The following EPHA2 variants were observed in gnomAD, a reference collection of about 807,000 sequenced individuals.
EPHA2 encodes ephrin type-A receptor 2.
Under a neutral mutation model 104.9 loss-of-function variants are expected in EPHA2, and 54 were observed. The observed-to-expected ratio is 0.51, with a 90% CI of 0.41 to 0.65. EPHA2 has a LOEUF of 0.65. EPHA2 is among the 30% of genes least tolerant of loss of function. EPHA2 has a pLI of 0.00. For missense variants in EPHA2, 1,117 were observed against 1,369.5 expected (o/e 0.82, Z 2.91); for synonymous variants, 560 against 559.1 (o/e 1.00, Z -0.02).
chr1:16,129,352 G>T, intron 16 of EPHA2, 82 bp downstream of exon 16: 1 of 1,511,088 alleles, frequency 6.6e-7, no homozygotes, highest in Non-Finnish European at 9.1e-7. Flanking sequence ...GAGGGGCAGG[G>T]AAGAGGGCTG....
chr1:16,125,290 G>T lies in EPHA2; in HGVS notation c.2856C>A (p.Pro952=). The T allele has an allele frequency of 6.2e-7, 1 of 1,613,658 alleles. No individual in the cohort carries two copies. Among genetic ancestry groups the T allele is most frequent in the African/African-American group, 1.3e-5 (1 of 74,938 alleles). Residue 952 remains proline, a synonymous_variant, in exon 17 of 17, where the codon CCC becomes CCA. Transcript: ENST00000358432. This position sits in a 1 kb window ranked among gnomAD's most constrained non-coding sequence, Gnocchi z 4.9. ...TGTAGGCGATGCGCTTCTGGTGGCC[G>T]GGCAGCCGCACCCCAATCCTCTTGA... ...DDIKRIGVRL[P]GHQKRIAYSL...
At position 16,155,867 on chromosome 1, in the gene EPHA2, C is replaced by G; in HGVS notation, c.66G>C (p.Ala22=). The G allele has an allele frequency of 6.9e-7, 1 of 1,457,568 alleles. No homozygotes were observed. The highest frequency in any genetic ancestry group is 3.0e-5 in the East Asian group (1 of 33,802). 90.3% of individuals were successfully genotyped at this position (1,457,568 alleles called of 1,614,324 possible). The part of the protein sequence containing the change: ...LLWGCALAAA[A]AAQGKEVVLL... ...ACTCACCTTCCTTGCCCTGCGCCGCCGCGGCCGCGGCCAGCGCACAGCCCC... is the reference window on the plus strand; with the variant it reads ...ACTCACCTTCCTTGCCCTGCGCCGCGGCGGCCGCGGCCAGCGCACAGCCCC... Residue 22 remains alanine, a synonymous_variant, in exon 1 of 17, where the codon GCG becomes GCC. Coordinates refer to ENST00000358432, the MANE Select transcript of EPHA2 (RefSeq NM_004431.5).
Position 16,151,305 on chromosome 1 carries a change from C to CAG in EPHA2, c.86-344_86-343dup, listed in dbSNP as rs536266343. On this transcript the variant is annotated intron_variant, in intron 1 of 16. Coordinates refer to ENST00000358432, the MANE Select transcript of EPHA2 (RefSeq NM_004431.5). The stretch of plus-strand genomic sequence containing the variant: ...GCCCGGCAGGAGAACAGCAGCTGGG[C>CAG]AGAGAGCTGGGCTGAGCAGGGTATT... Among the ~76,000 whole-genome samples, 85 of 152,260 alleles carry CAG rather than the reference C, an allele frequency of 5.6e-4. No individual in the cohort carries two copies. In the East Asian group the frequency reaches 0.015, roughly 28 times the overall value.
intron 3 of EPHA2, among the ~76,000 whole-genome samples, chr1:16,140,552 G>A (rs990178387): frequency 6.6e-6 from 1 of 152,160 alleles, no homozygotes; most frequent in Non-Finnish European, 1.5e-5. Context: ...TCCCAAGAAG[G>A]AAACCAGAAC....
intron 15 of EPHA2, 149 bp from the exon 16 acceptor site, chr1:16,129,738 G>T: frequency 9.3e-7 from 1 of 1,075,838 alleles, no homozygotes; most frequent in Non-Finnish European, 1.3e-6. Flanking sequence ...GTCAAGTAGG[G>T]TTCAATGAGA....
chr1:16,139,172 CG>C (rs2124232183), intron 3 of EPHA2, among the ~76,000 whole-genome samples: 1 of 152,190 alleles, frequency 6.6e-6, no homozygotes, highest in South Asian at 2.1e-4. Flanking sequence ...CACCTGACTC[CG>C]GGGGCTTCTT....
chr1:16,141,107 A>C (rs951799443), intron 3 of EPHA2, among the ~76,000 whole-genome samples: 7 of 152,220 alleles, frequency 4.6e-5, no homozygotes, highest in African/African-American at 1.7e-4. Flanking sequence ...ACAAGCCTGA[A>C]GAGAGAGGAG....
At position 16,148,665 on chromosome 1, in the gene EPHA2, T is replaced by C; in HGVS notation, c.536A>G (p.Tyr179Cys). The change falls in exon 3 of 17, where the codon TAC (tyrosine) becomes TGC (cysteine). Residue 179 changes from tyrosine to cysteine, a missense_variant. Coordinates refer to ENST00000358432, the MANE Select transcript of EPHA2 (RefSeq NM_004431.5). The surrounding 1 kb of genome is among the most constrained non-coding windows in gnomAD (Gnocchi z 4.9). ...SVGPLTRKGF[Y>C]LAFQDIGACV... ...GGCACCGATATCCTGGAAGGCCAGG[T>C]AGAAGCCTTTGCGGGTGAGCGGCCC... is the stretch of plus-strand genomic sequence containing the variant. 1 of 1,610,220 alleles carries C rather than the reference T, an allele frequency of 6.2e-7. No individual in the cohort carries two copies. Among genetic ancestry groups the C allele is most frequent in the Non-Finnish European group, 8.5e-7 (1 of 1,180,006 alleles).
intron 2 of EPHA2, among the ~76,000 whole-genome samples, chr1:16,149,358 A>G (rs899669410): frequency 2.1e-4 from 32 of 152,168 alleles, no homozygotes; most frequent in African/African-American, 7.5e-4. Flanking sequence ...TCATCTGTAC[A>G]ATGGGAGCAA....
chr1:16,145,338 C>G (rs1309544497), intron 3 of EPHA2, among the ~76,000 whole-genome samples: 1 of 152,240 alleles, frequency 6.6e-6, no homozygotes, highest in African/African-American at 2.4e-5. Flanking sequence ...CATGGGAGCG[C>G]TCCGGGCAGC....
rs1314540442 is a variant in EPHA2, at chr1:16,150,457, G to C, written c.153+439C>G. On this transcript the variant is annotated intron_variant, in intron 2 of 16. Transcript: ENST00000358432. This position sits in a 1 kb window ranked among gnomAD's most constrained non-coding sequence, Gnocchi z 4.8. ...ACAGCTAGAGGTGGGAAAGGGGCGG[G>C]CAGGAAGGAACTTGATCAGGTTTTC... is the stretch of plus-strand genomic sequence containing the variant. 6.6e-6 allele frequency among the ~76,000 whole-genome samples: 1 copy of C among 152,204 alleles called. No homozygotes were observed. The highest frequency in any genetic ancestry group is 1.5e-5 in the Non-Finnish European group (1 of 68,032).
chr1:16,131,466 G>T lies in EPHA2; in HGVS notation c.2475+255C>A, dbSNP rs1272052940. On this transcript the variant is annotated intron_variant, in intron 14 of 16. Coordinates refer to ENST00000358432, the MANE Select transcript of EPHA2 (RefSeq NM_004431.5). The surrounding 1 kb of genome is among the most constrained non-coding windows in gnomAD (Gnocchi z 5.2). ...GTGGTGGCGCATGCCTGTAATCCCA[G>T]CTACTCGGGAGGCTGAGGCAGGAGA... 6.6e-6 allele frequency among the ~76,000 whole-genome samples: 1 copy of T among 152,132 alleles called. No homozygotes were observed. The highest frequency in any genetic ancestry group is 1.5e-5 in the Non-Finnish European group (1 of 68,038).
intron 1 of EPHA2, chr1:16,153,235 C>T: frequency 1.0e-6 from 1 of 985,450 alleles, no homozygotes; most frequent in Non-Finnish European, 1.2e-6. Flanking sequence ...AAATGCAGGA[C>T]TGCCACCCAC....
At chr1:16,149,601 A>G (rs1050817122) in intron 2 of EPHA2, among the ~76,000 whole-genome samples, 2 of 152,344 alleles carry the variant, frequency 1.3e-5, no homozygotes, top group East Asian at 1.9e-4. Flanking sequence ...GCAGATGAAC[A>G]TGTTCCTCCC....
At chr1:16,141,818 C>T (rs147088963) in intron 3 of EPHA2, among the ~76,000 whole-genome samples, 3 of 152,348 alleles carry the variant, frequency 2.0e-5, no homozygotes, top group East Asian at 1.9e-4. Flanking sequence ...ATTTCCGCTG[C>T]GGATGTGCCA....
rs570520193 is a variant in EPHA2 at position 16,131,484 on chromosome 1, G to A, written c.2475+237C>T. Among the ~76,000 whole-genome samples, 38 of 152,090 alleles carry A rather than the reference G, an allele frequency of 2.5e-4. No homozygotes were observed. The highest frequency in any genetic ancestry group is 3.2e-3 in the Middle Eastern group (1 of 316). On this transcript the variant is annotated intron_variant, in intron 14 of 16. Transcript: ENST00000358432. The surrounding 1 kb of genome is among the most constrained non-coding windows in gnomAD (Gnocchi z 5.2). ...AATCCCAGCTACTCGGGAGGCTGAGGCAGGAGAATTGCTTGAACCTGGGAG... is the reference window on the plus strand; with the variant it reads ...AATCCCAGCTACTCGGGAGGCTGAGACAGGAGAATTGCTTGAACCTGGGAG...
In EPHA2 at chr1:16,125,297, C is replaced by G. The variant is rs780673630; in HGVS notation, c.2849G>C (p.Arg950Pro). Reference sequence around the variant, plus strand: ...GATGCGCTTCTGGTGGCCGGGCAGCCGCACCCCAATCCTCTTGATGTCGCT... The same window carrying G: ...GATGCGCTTCTGGTGGCCGGGCAGCGGCACCCCAATCCTCTTGATGTCGCT... ...TNDDIKRIGV[R>P]LPGHQKRIAY... Residue 950 changes from arginine (R) to proline (P), a missense_variant, in exon 17 of 17, where the codon CGG (arginine) becomes CCG (proline). Arg to Pro is a moderately radical substitution (Grantham distance 103, BLOSUM62 -2). Coordinates refer to ENST00000358432, the MANE Select transcript of EPHA2 (RefSeq NM_004431.5). This position sits in a 1 kb window ranked among gnomAD's most constrained non-coding sequence, Gnocchi z 4.9. 1.8e-5 allele frequency: 29 copies of G among 1,613,340 alleles called. No individual in the cohort carries two copies. Among genetic ancestry groups the G allele is most frequent in the South Asian group, 9.9e-5 (9 of 91,036 alleles).
At chr1:16,147,544 C>T (rs529881992) in intron 3 of EPHA2, among the ~76,000 whole-genome samples, 146 of 152,046 alleles carry the variant, frequency 9.6e-4, no homozygotes, top group African/African-American at 3.4e-3. Context: ...TGGTACTCCA[C>T]CGTGGGACCA....
chr1:16,129,996 G>A (rs1006306243), intron 15 of EPHA2, among the ~76,000 whole-genome samples: 1 of 152,216 alleles, frequency 6.6e-6, no homozygotes, highest in Non-Finnish European at 1.5e-5. Flanking sequence ...TTAAATGAAT[G>A]AAAACATATT....
Sources: gnomAD v4.1 joint callset for allele counts (sites outside exome capture counted in the v4.1 genomes callset) on GRCh38, gnomAD v4.1.1 for gene constraint, Gnocchi (gnomAD v3.1) non-coding constraint, MANE v1.5 for transcripts, NCBI Gene and HGNC (gene_info 2026-07-23, HGNC 2026-07-21) for gene names.